Variants in COPA observed in about 807,000 individuals in gnomAD.
COPA encodes coatomer subunit alpha.
In COPA, 10 loss-of-function variants were observed where a neutral mutation model predicts 158.7. The ratio of observed to expected loss-of-function variants is 0.06; its 90% confidence interval spans 0.04 to 0.11. The LOEUF is 0.11. Ranked by LOEUF, COPA falls within the 10% of genes least tolerant of loss-of-function variation. The pLI is 1.00. For missense variants in COPA, 1,065 were observed against 1,536.7 expected, an observed-to-expected ratio of 0.69 and a Z score of 5.13; for synonymous variants, 462 against 542.8, an observed-to-expected ratio of 0.85 and a Z score of 2.07.
At chr1:160,311,752 A>T in intron 11 of COPA, 116 bp downstream of exon 11, 1 of 1,079,340 alleles carries the variant, frequency 9.3e-7, no homozygotes, top group Non-Finnish European at 1.2e-6. Flanking sequence ...GTCTCAAAAA[A>T]AAATTAAATA....
rs999789610 is a variant in COPA, at chr1:160,311,733, C to T, written c.1076+135G>A. 1.6e-5 allele frequency: 14 copies of T among 873,030 alleles called. No individual in the cohort carries two copies. In the Admixed American group the frequency reaches 1.6e-4, roughly 10 times the overall value. The allele number at this position is 873,030 out of a possible 1,614,324, so 54.1% of individuals were successfully genotyped here. ...CTGCACTCCAGCCTGGGCGACAAAG[C>T]GAGACTCCGTCTCAAAAAAAAATTA... On this transcript the variant is annotated intron_variant, in intron 11 of 32. Coordinates refer to ENST00000241704, the MANE Select transcript of COPA (RefSeq NM_004371.4).
intron 7 of COPA, among the ~76,000 whole-genome samples, chr1:160,323,916 C>CAGT (rs1659410826): frequency 6.6e-6 from 1 of 151,382 alleles, no homozygotes; most frequent in Admixed American, 6.6e-5. Context: ...GGCTGGAGTG[C>CAGT]AGTGGCACGA....
At chr1:160,313,419 A>AT (rs10719015) in intron 9 of COPA, among the ~76,000 whole-genome samples, 4 of 140,550 alleles carry the variant, frequency 2.8e-5, no homozygotes, top group South Asian at 2.2e-4. Context: ...TTCATTCTGC[A>AT]TTTTTTTTTT....
chr1:160,306,275 G>A, intron 15 of COPA, 79 bp downstream of exon 15: 4 of 1,485,636 alleles, frequency 2.7e-6, no homozygotes, highest in Non-Finnish European at 3.6e-6. Flanking sequence ...AAACTCACTT[G>A]GGGAAAAAAG....
intron 8 of COPA, among the ~76,000 whole-genome samples, chr1:160,319,862 GAT>G (rs956999118): frequency 7.2e-6 from 1 of 139,742 alleles, no homozygotes; most frequent in Admixed American, 7.4e-5. Flanking sequence ...AAATTTATGG[GAT>G]ATGACAAAAG....
intron 21 of COPA, among the ~76,000 whole-genome samples, chr1:160,296,620 G>A (rs1262951357): frequency 6.6e-6 from 1 of 152,212 alleles, no homozygotes; most frequent in Non-Finnish European, 1.5e-5. Context: ...GAGATCCTAA[G>A]CCGGAGGCAC....
At position 160,297,357 on chromosome 1, in the gene COPA, T is replaced by C; in HGVS notation, c.2249A>G (p.Lys750Arg). 1 of 1,614,200 alleles carries C rather than the reference T, an allele frequency of 6.2e-7. No homozygotes were observed. Among genetic ancestry groups the C allele is most frequent in the Non-Finnish European group, 8.5e-7 (1 of 1,180,024 alleles). ...GDVSERVRIL[K>R]NCGQKSLAYL... ...CGGATACTTACTCTGTCCACAGTTC[T>C]TCAGGATCCGCACACGCTCTGACAC... Residue 750 changes from lysine (K) to arginine (R), a missense_variant, in exon 21 of 33, where the codon AAG becomes AGG. By Grantham distance (26) the Lys-to-Arg change is conservative. Coordinates refer to ENST00000241704, the MANE Select transcript of COPA (RefSeq NM_004371.4).
intron 6 of COPA, among the ~76,000 whole-genome samples, chr1:160,330,774 A>C (rs74123107): frequency 0.012 from 1,834 of 152,312 alleles, 43 homozygotes; most frequent in African/African-American, 0.041. Context: ...CCAAACAAAG[A>C]TCTATGAGGG....
At chr1:160,326,864 G>C (rs1385065315) in intron 6 of COPA, among the ~76,000 whole-genome samples, 1 of 152,134 alleles carries the variant, frequency 6.6e-6, no homozygotes, top group Non-Finnish European at 1.5e-5. Context: ...ACTTAAAAAC[G>C]ATGGAAAAAG....
At chr1:160,317,525 C>T in intron 8 of COPA, 1 of 1,608,248 alleles carries the variant, frequency 6.2e-7, no homozygotes, top group East Asian at 2.2e-5. Context: ...AAAATGACAA[C>T]ACATCTCAAG....
At chr1:160,325,324 C>A (rs564528979) in intron 7 of COPA, among the ~76,000 whole-genome samples, 1 of 152,272 alleles carries the variant, frequency 6.6e-6, no homozygotes, top group East Asian at 1.9e-4. Context: ...CTCCCTTTCC[C>A]ACTGGGTTTA....
chr1:160,292,705 TTCACGTTTCC>T, intron 27 of COPA, 85 bp from the exon 28 acceptor site: 2 of 1,129,498 alleles, frequency 1.8e-6, no homozygotes, highest in Non-Finnish European at 2.5e-6. Flanking sequence ...AATTTCTCTG[TTCACGTTTCC>T]TCATCAGTAA....
intron 17 of COPA, among the ~76,000 whole-genome samples, chr1:160,302,217 T>C (rs942048849): frequency 6.6e-6 from 1 of 152,114 alleles, no homozygotes; most frequent in Non-Finnish European, 1.5e-5. Context: ...GTATTTAAAT[T>C]GAATTAACTG....
rs767603245 is a variant in COPA, at chr1:160,297,764, C to CA, written c.1978-20_1978-19insT. On this transcript the variant is annotated intron_variant, in intron 19 of 32. Transcript: ENST00000241704. ...GAGCAATCTAAAGAATCCCCAGGGT[C>CA]GTGTTAACAGGTTGAAGGACAATGT... The CA allele has an allele frequency of 3.0e-5, 49 of 1,610,494 alleles. No homozygotes were observed. The highest frequency in any genetic ancestry group is 4.0e-5 in the Non-Finnish European group (47 of 1,178,712).
At chr1:160,338,138 T>A (rs1304486464) in intron 3 of COPA, among the ~76,000 whole-genome samples, 2 of 152,224 alleles carry the variant, frequency 1.3e-5, no homozygotes, top group Admixed American at 1.3e-4. Context: ...AACACCCAGT[T>A]TTTCCTTTTT....
chr1:160,297,739 G>A lies in COPA; in HGVS notation c.1984C>T (p.Leu662=). 1 of 1,613,608 alleles carries A rather than the reference G, an allele frequency of 6.2e-7. No individual in the cohort carries two copies. Among genetic ancestry groups the A allele is most frequent in the Non-Finnish European group, 8.5e-7 (1 of 1,179,832 alleles). The change falls in exon 20 of 33, where the codon CTG becomes TTG. Residue 662 remains leucine, a synonymous_variant. Coordinates refer to ENST00000241704, the MANE Select transcript of COPA (RefSeq NM_004371.4). ...ALECGNIEIA[L]EAAKALDDKN... ...TCATCCAGTGCTTTGGCTGCTTCCA[G>A]AGCAATCTAAAGAATCCCCAGGGTC...
In COPA at chr1:160,323,444, G is replaced by C. The variant is rs1328188785; in HGVS notation, c.693C>G (p.Ile231Met). The change falls in exon 8 of 33, where the codon ATC becomes ATG. Residue 231 changes from isoleucine to methionine, a missense_variant. Transcript: ENST00000241704. ...CGGTTCACTCACCATTCATGCGCCA[G>C]ATCTTCACTTGACGATCATCTGCCC... Reference protein sequence around the residue: ...VSGADDRQVKIWRMNESKAWE... With the variant: ...VSGADDRQVKMWRMNESKAWE... 1 of 1,609,160 alleles carries C rather than the reference G, an allele frequency of 6.2e-7. No individual in the cohort carries two copies. The highest frequency in any genetic ancestry group is 1.7e-5 in the Admixed American group (1 of 59,616).
chr1:160,292,321 G>A, intron 28 of COPA, 123 bp from the exon 29 acceptor site: 1 of 1,547,888 alleles, frequency 6.5e-7, no homozygotes, highest in Non-Finnish European at 8.8e-7. Flanking sequence ...TGGGGAAGAG[G>A]ATGACAGCAG....
intron 17 of COPA, among the ~76,000 whole-genome samples, chr1:160,302,377 G>C (rs892858747): frequency 1.3e-5 from 2 of 151,934 alleles, no homozygotes; most frequent in Admixed American, 1.3e-4. Context: ...CTTTATTGAA[G>C]GATGTTTCAG....
Sources: allele counts gnomAD v4.1 joint callset (sites outside exome capture counted in the v4.1 genomes callset), GRCh38; gene constraint gnomAD v4.1.1; transcripts MANE v1.5; gene names NCBI Gene and HGNC (gene_info 2026-07-23, HGNC 2026-07-21).